The following MYH3 variants were observed in gnomAD, a reference collection of about 807,000 sequenced individuals.
MYH3 encodes the protein myosin-3.
Under a neutral mutation model 238.0 loss-of-function variants are expected in MYH3, and 130 were observed. That is an observed-to-expected ratio of 0.55 (90% confidence interval 0.47 to 0.63). The LOEUF (loss-of-function observed/expected upper bound fraction) is 0.63, where lower values mean the gene tolerates loss of function less well. Among genes scored for constraint, MYH3 ranks in the 30% least tolerant of loss-of-function variants. The pLI, the probability that MYH3 is intolerant of heterozygous loss-of-function variation, is 0.00. For missense variants in MYH3, 1,853 were observed against 2,374.9 expected, an observed-to-expected ratio of 0.78 and a Z score of 4.57; for synonymous variants, 880 against 924.1, an observed-to-expected ratio of 0.95 and a Z score of 0.86.
At chr17:10,664,652 G>A in the MYH3 span, among the ~76,000 whole-genome samples, 1 of 152,144 alleles carries the variant, frequency 6.6e-6, no homozygotes, top group Non-Finnish European at 1.5e-5. Context: ...CTCAAGATGA[G>A]AGTCAGGTCC....
chr17:10,665,140 AT>A, the MYH3 span, among the ~76,000 whole-genome samples: 1 of 143,362 alleles, frequency 7.0e-6, no homozygotes, highest in Admixed American at 6.9e-5. Flanking sequence ...ATTTATTTTT[AT>A]TTTTTATTTT....
chr17:10,652,039 C>T (rs1372167237), intron 4 of MYH3: 1 of 388,518 alleles, frequency 2.6e-6, no homozygotes, highest in Admixed American at 3.7e-5. Flanking sequence ...CCACACCCAG[C>T]TGCCTTTATT....
chr17:10,666,536 G>A, the MYH3 span, among the ~76,000 whole-genome samples: 3 of 139,886 alleles, frequency 2.1e-5, no homozygotes, highest in Non-Finnish European at 3.0e-5. Flanking sequence ...GAGCCCAGGA[G>A]TTCTGGACCA....
the MYH3 span, among the ~76,000 whole-genome samples, chr17:10,669,996 C>T: frequency 6.6e-6 from 1 of 152,186 alleles, no homozygotes; most frequent in Non-Finnish European, 1.5e-5. Flanking sequence ...GAGAGATTTA[C>T]TTGGACCAAA....
chr17:10,628,910 G>A (rs146627495), intron 40 of MYH3, among the ~76,000 whole-genome samples: 2 of 152,336 alleles, frequency 1.3e-5, no homozygotes, highest in East Asian at 3.9e-4. Context: ...CCTACTGTCG[G>A]ATGCTGTGTG....
chr17:10,648,518 G>A (rs1312773912), intron 8 of MYH3, 39 bp downstream of exon 8: 5 of 1,551,098 alleles, frequency 3.2e-6, no homozygotes, highest in Non-Finnish European at 4.5e-6. Context: ...ATTTTGTGAG[G>A]CACAAAGCAA....
chr17:10,651,574 C>A lies in MYH3; in HGVS notation c.443G>T (p.Arg148Leu), dbSNP rs202142101. The change falls in exon 5 of 41, where the codon CGC becomes CTC. Residue 148 changes from arginine (R) to leucine (L), a missense_variant. Arg to Leu is a moderately radical substitution (Grantham distance 102, BLOSUM62 -2). This residue lies in a region of MYH3 where 678 missense variants were observed against 1,058.9 expected (regional missense o/e 0.64). Transcript: ENST00000583535. ...EVVEGYRGKK[R>L]QEAPPHIFSI... is the part of the protein sequence containing the mutation. ...GAAGATGTGGGGTGGGGCCTCCTGG[C>A]GCTTTTTGCCTCGGTAGCCTTCCAC... The A allele has an allele frequency of 6.2e-7, 1 of 1,613,858 alleles. No individual in the cohort carries two copies. Among genetic ancestry groups the A allele is most frequent in the Non-Finnish European group, 8.5e-7 (1 of 1,179,948 alleles).
chr17:10,666,784 G>A, the MYH3 span, among the ~76,000 whole-genome samples: 7 of 151,998 alleles, frequency 4.6e-5, no homozygotes, highest in South Asian at 1.0e-3. Context: ...ACTAAAAGAC[G>A]TGATAAAATG....
chr17:10,642,244 A>T lies in MYH3; in HGVS notation c.1955T>A (p.Phe652Tyr). 6.2e-7 allele frequency: 1 copy of T among 1,613,618 alleles called. No individual in the cohort carries two copies. The highest frequency in any genetic ancestry group is 1.1e-5 in the South Asian group (1 of 90,994). ...GSSFQTVSALFRENLNKLMSN... is the reference protein window; with the variant it reads ...GSSFQTVSALYRENLNKLMSN... ...ATAAACTTGTATTTTTCTTACCCTG[A>T]AAAGGGCAGAGACAGTTTGGAAGGA... Residue 652 changes from phenylalanine (F) to tyrosine (Y), a missense_variant, in exon 17 of 41, where the codon TTC (phenylalanine) becomes TAC (tyrosine). By Grantham distance (22) the Phe-to-Tyr change is conservative. This residue lies in a region of MYH3 where 678 missense variants were observed against 1,058.9 expected (regional missense o/e 0.64). Coordinates refer to ENST00000583535, the MANE Select transcript of MYH3 (RefSeq NM_002470.4). This position sits in a 1 kb window ranked among gnomAD's most constrained non-coding sequence, Gnocchi z 5.4.
At chr17:10,657,439 T>C (rs2142436839), upstream of MYH3, 1 of 152,394 alleles carries the variant, frequency 6.6e-6, no homozygotes, top group South Asian at 2.1e-4. Flanking sequence ...CACGTATCTT[T>C]GTCGTTGCCA....
chr17:10,648,945 G>T (rs2074349370), intron 7 of MYH3, among the ~76,000 whole-genome samples: 1 of 152,066 alleles, frequency 6.6e-6, no homozygotes, highest in Non-Finnish European at 1.5e-5. Context: ...AAAGTGCTGG[G>T]ATTACAGGCG....
In MYH3 at chr17:10,631,901, G is replaced by T. The variant is rs1374622709; in HGVS notation, c.5072C>A (p.Ala1691Asp). ...GGCCCTCTCCGTCTGCTCCAGAGTA[G>T]CCCGCAGCTCCTCCACCTCGGCCTG... is the stretch of plus-strand genomic sequence containing the variant. Reference protein sequence around the residue: ...LLQAEVEELRATLEQTERARK... With the variant: ...LLQAEVEELRDTLEQTERARK... Residue 1691 changes from alanine to aspartate, a missense_variant, in exon 35 of 41, where the codon GCT becomes GAT. Physicochemically the swap from Ala to Asp is moderately radical, Grantham distance 126. Transcript: ENST00000583535. 6.2e-7 allele frequency: 1 copy of T among 1,614,138 alleles called. No individual in the cohort carries two copies. The highest frequency in any genetic ancestry group is 1.3e-5 in the African/African-American group (1 of 75,042).
Position 10,645,560 on chromosome 17 carries a change from T to C in MYH3, c.1141+147A>G, listed in dbSNP as rs559981759. The C allele has an allele frequency of 9.2e-5, 90 of 976,476 alleles. 2 individuals are homozygous for C. The South Asian group carries it at 1.2e-3, about 13-fold the overall frequency. The allele number at this position is 976,476 out of a possible 1,614,324, so 60.5% of individuals were successfully genotyped here. ...CTGGTCTCGAACTCCTGACCTCAGG[T>C]GATCTGGCCCCCTCAGCCTCCCAAA... is the stretch of plus-strand genomic sequence containing the variant. On this transcript the variant is annotated intron_variant, in intron 12 of 40. Transcript: ENST00000583535.
Position 10,638,292 on chromosome 17 carries a change from C to A in MYH3, c.3480G>T (p.Thr1160=). 1 of 1,613,612 alleles carries A rather than the reference C, an allele frequency of 6.2e-7. No homozygotes were observed. The highest frequency in any genetic ancestry group is 8.5e-7 in the Non-Finnish European group (1 of 1,179,998). ...RLEEAGGVTS[T]QIELNKKREA... ...CCCGCTTCTTGTTGAGCTCTATCTGCGTGGAGGTGACGCCTCCCGCCTCCT... is the reference window on the plus strand; with the variant it reads ...CCCGCTTCTTGTTGAGCTCTATCTGAGTGGAGGTGACGCCTCCCGCCTCCT... Residue 1160 remains threonine, a synonymous_variant, in exon 27 of 41, where the codon ACG becomes ACT. Coordinates refer to ENST00000583535, the MANE Select transcript of MYH3 (RefSeq NM_002470.4).
At chr17:10,628,900 C>CCTA (rs1310922727) in intron 40 of MYH3, among the ~76,000 whole-genome samples, 1 of 152,216 alleles carries the variant, frequency 6.6e-6, no homozygotes, top group African/African-American at 2.4e-5. Flanking sequence ...GACCCAGCGA[C>CCTA]CTACTGTCGG....
At chr17:10,632,814 G>A in intron 33 of MYH3, 30 bp from the exon 34 acceptor site, 6 of 1,610,758 alleles carry the variant, frequency 3.7e-6, no homozygotes, top group Non-Finnish European at 5.1e-6. Flanking sequence ...ATCAAATAGT[G>A]TCTGTGATGG....
rs2074413466 is a variant in MYH3 at position 10,654,893 on chromosome 17, C to T, written c.172G>A (p.Gly58Arg). The change falls in exon 3 of 41, where the codon GGG (glycine) becomes AGG (arginine). Residue 58 changes from glycine to arginine, a missense_variant. By Grantham distance (125) the Gly-to-Arg change is moderately radical. Around this residue, in one of 3 missense-constraint regions of MYH3, gnomAD observed 131 missense variants for 123.5 expected, o/e 1.06. Coordinates refer to ENST00000583535, the MANE Select transcript of MYH3 (RefSeq NM_002470.4). This position sits in a 1 kb window ranked among gnomAD's most constrained non-coding sequence, Gnocchi z 4.5. ...TCCTCAGTTTCCACAGTGACCTTCCCATCCTGAGAACTCTTGATTTTCCCC... is the reference window on the plus strand; with the variant it reads ...TCCTCAGTTTCCACAGTGACCTTCCTATCCTGAGAACTCTTGATTTTCCCC... Reference protein sequence around the residue: ...AKGKIKSSQDGKVTVETEDNR... With the variant: ...AKGKIKSSQDRKVTVETEDNR... 7 of 1,614,188 alleles carry T rather than the reference C, an allele frequency of 4.3e-6. No homozygotes were observed. The highest frequency in any genetic ancestry group is 5.9e-6 in the Non-Finnish European group (7 of 1,180,042).
the MYH3 span, chr17:10,678,127 G>GA: frequency 5.5e-3 from 814 of 146,752 alleles, 8 homozygotes; most frequent in Middle Eastern, 0.025. Context: ...AAAAAGAAAA[G>GA]AAAAAAAAAA....
chr17:10,644,362 C>T lies in MYH3; in HGVS notation c.1399G>A (p.Glu467Lys). 1 of 1,614,106 alleles carries T rather than the reference C, an allele frequency of 6.2e-7. No homozygotes were observed. Among genetic ancestry groups the T allele is most frequent in the Non-Finnish European group, 8.5e-7 (1 of 1,179,962 alleles). Residue 467 changes from glutamate (E) to lysine (K), a missense_variant, in exon 14 of 41, where the codon GAA becomes AAA. This residue lies in a region of MYH3 where 678 missense variants were observed against 1,058.9 expected (regional missense o/e 0.64). Coordinates refer to ENST00000583535, the MANE Select transcript of MYH3 (RefSeq NM_002470.4). ...FIGVLDIAGF[E>K]IFEYNSLEQL... ...TAAGTAACACAAACCTCAAAGATTTCAAAGCCTGCAATGTCCAAAACACCA... is the reference window on the plus strand; with the variant it reads ...TAAGTAACACAAACCTCAAAGATTTTAAAGCCTGCAATGTCCAAAACACCA...
Sources: gnomAD v4.1 joint callset for allele counts (sites outside exome capture counted in the v4.1 genomes callset) on GRCh38, gnomAD v4.1.1 for gene constraint, gnomAD v4.1.1 regional missense constraint, Gnocchi (gnomAD v3.1) non-coding constraint, MANE v1.5 for transcripts, NCBI Gene and HGNC (gene_info 2026-07-23, HGNC 2026-07-21) for gene names.